Variants in GPHN observed in about 807,000 individuals in gnomAD.
GPHN encodes gephyrin.
Under a neutral mutation model 95.5 loss-of-function variants are expected in GPHN, and 17 were observed. The ratio of observed to expected loss-of-function variants is 0.18; its 90% CI spans 0.12 to 0.27. The LOEUF (loss-of-function observed/expected upper bound fraction) is 0.27, where lower values mean the gene tolerates loss of function less well. GPHN is among the 10% of genes least tolerant of loss of function. The probability of loss-of-function intolerance (pLI) is 1.00; values close to 1 mark genes in which losing one functional copy is unlikely to be tolerated. For synonymous variants in GPHN, 320 were observed against 322.5 expected (o/e 0.99, Z 0.08); for missense variants, 660 against 978.1 (o/e 0.67, Z 4.34).
chr14:67,255,900 T>C, the GPHN span, among the ~76,000 whole-genome samples: 5 of 152,354 alleles, frequency 3.3e-5, no homozygotes, highest in East Asian at 7.7e-4. Flanking sequence ...TTGGCCAGGC[T>C]GGTCTGGAAC....
chr14:67,047,429 A>G (rs1287895854), intron 10 of GPHN, among the ~76,000 whole-genome samples: 1 of 146,032 alleles, frequency 6.8e-6, no homozygotes, highest in East Asian at 2.0e-4. Flanking sequence ...GCAGTGGTGC[A>G]ATCTCGGCTC....
intron 19 of GPHN, among the ~76,000 whole-genome samples, chr14:67,163,328 A>T (rs574090835): frequency 7.9e-5 from 12 of 151,930 alleles, no homozygotes; most frequent in South Asian, 2.1e-4. Flanking sequence ...AATAAATAAA[A>T]ATAGATATTT....
At chr14:67,710,009 C>T in the GPHN span, among the ~76,000 whole-genome samples, 1 of 152,176 alleles carries the variant, frequency 6.6e-6, no homozygotes, top group South Asian at 2.1e-4. Flanking sequence ...AGAATGTAAC[C>T]GTTTGTTTAC....
At chr14:67,140,383 TAAA>T (rs59560735) in intron 17 of GPHN, among the ~76,000 whole-genome samples, 120 of 129,672 alleles carry the variant, frequency 9.3e-4, no homozygotes, top group African/African-American at 1.7e-3. Context: ...AGACTCCATC[TAAA>T]AAAAAAAAAA....
chr14:67,199,686 A>C, the GPHN span: 12 of 1,581,112 alleles, frequency 7.6e-6, no homozygotes, highest in Non-Finnish European at 9.6e-6. Context: ...CGCCCTCATC[A>C]GCTGTTTGCA....
chr14:67,379,359 T>G, the GPHN span, among the ~76,000 whole-genome samples: 1 of 152,252 alleles, frequency 6.6e-6, no homozygotes, highest in Non-Finnish European at 1.5e-5. Context: ...AGTAGTATCT[T>G]TTGATTTGCA....
At chr14:67,389,997 G>A in the GPHN span, among the ~76,000 whole-genome samples, 3 of 152,050 alleles carry the variant, frequency 2.0e-5, no homozygotes, top group African/African-American at 7.2e-5. Context: ...GAAGCTCAGT[G>A]AGGAAGGAAC....
the GPHN span, chr14:67,642,482 G>C: frequency 5.0e-6 from 6 of 1,193,870 alleles, no homozygotes; most frequent in Non-Finnish European, 7.0e-6. Context: ...TTTTAGGGTA[G>C]ATATTAAAAT....
the GPHN span, among the ~76,000 whole-genome samples, chr14:67,248,007 G>T: frequency 6.6e-6 from 1 of 151,958 alleles, no homozygotes; most frequent in Non-Finnish European, 1.5e-5. Context: ...GGTTACTGAG[G>T]GTTTGTTTTT....
intron 1 of GPHN, among the ~76,000 whole-genome samples, chr14:66,536,888 AG>A (rs2059165645): frequency 6.6e-6 from 1 of 152,106 alleles, no homozygotes. Flanking sequence ...GTTGACTTTT[AG>A]TTCTTTCAGT....
At chr14:67,001,660 G>A (rs534827932) in intron 9 of GPHN, among the ~76,000 whole-genome samples, 164 of 151,316 alleles carry the variant, frequency 1.1e-3, no homozygotes, top group African/African-American at 3.8e-3. Context: ...TCCTTACTTC[G>A]GATACATAAA....
At chr14:67,388,340 T>G in the GPHN span, 1 of 1,316,648 alleles carries the variant, frequency 7.6e-7, no homozygotes. Context: ...AATTTGTGAA[T>G]GAACAAAAGG....
chr14:67,507,284 G>A, the GPHN span, among the ~76,000 whole-genome samples: 13 of 152,232 alleles, frequency 8.5e-5, 1 homozygote, highest in Admixed American at 8.5e-4. Flanking sequence ...AGGAGTTCAA[G>A]GCTACAGTGA....
the GPHN span, among the ~76,000 whole-genome samples, chr14:67,499,701 A>G: frequency 6.6e-6 from 1 of 152,204 alleles, no homozygotes; most frequent in Non-Finnish European, 1.5e-5. Flanking sequence ...TGATGATCCC[A>G]GAAGACCTCC....
chr14:67,337,512 G>GT, the GPHN span: 1 of 143,008 alleles, frequency 7.0e-6, no homozygotes, highest in Non-Finnish European at 1.5e-5. Flanking sequence ...GTGAGACTCT[G>GT]TTTCAAAAAA....
At chr14:67,403,334 T>C in the GPHN span, among the ~76,000 whole-genome samples, 1 of 152,180 alleles carries the variant, frequency 6.6e-6, no homozygotes, top group Non-Finnish European at 1.5e-5. Flanking sequence ...AAAGAGCAGA[T>C]TGTTCTGATA....
chr14:67,365,058 A>T, the GPHN span: 1 of 1,506,246 alleles, frequency 6.6e-7, no homozygotes, highest in Non-Finnish European at 8.9e-7. Flanking sequence ...AAAATGGTTT[A>T]TTTAAAAATA....
intron 10 of GPHN, among the ~76,000 whole-genome samples, chr14:67,044,142 G>C (rs1043875421): frequency 6.6e-6 from 1 of 151,984 alleles, no homozygotes; most frequent in Non-Finnish European, 1.5e-5. Flanking sequence ...TTTGAAACCA[G>C]CCTGGCCAAC....
the GPHN span, chr14:67,302,490 G>A: frequency 5.0e-6 from 8 of 1,599,010 alleles, no homozygotes; most frequent in African/African-American, 9.4e-5. Context: ...AAAGTGGTCT[G>A]TTGCATGAAG....
Sources: gnomAD v4.1 joint callset for allele counts (sites outside exome capture counted in the v4.1 genomes callset) on GRCh38, gnomAD v4.1.1 for gene constraint, MANE v1.5 for transcripts, NCBI Gene and HGNC (gene_info 2026-07-23, HGNC 2026-07-21) for gene names.